Variants in ZNF496 observed in about 807,000 individuals in gnomAD.
ZNF496 encodes NSD1 (nuclear receptor binding SET-domain containing 1)-interacting zinc finger protein 1.
Under a neutral mutation model 58.9 loss-of-function variants are expected in ZNF496, and 11 were observed. The ratio of observed to expected loss-of-function variants is 0.19; its 90% CI spans 0.12 to 0.31. ZNF496 has a LOEUF of 0.31. Among genes scored for constraint, ZNF496 ranks in the 10% least tolerant of loss-of-function variants. The pLI is 1.00. For missense variants in ZNF496, 660 were observed against 783.0 expected (o/e 0.84, Z 1.88); for synonymous variants, 338 against 318.2 (o/e 1.06, Z -0.66).
rs1660233475 is a variant in ZNF496 at position 247,329,114 on chromosome 1, C to T, written c.390+75G>A. On this transcript the variant is annotated intron_variant, in intron 4 of 9. Transcript: ENST00000682384. The surrounding 1 kb of genome is among the most constrained non-coding windows in gnomAD (Gnocchi z 5.5). The stretch of plus-strand genomic sequence containing the variant: ...TCGATGGAACTCCTCATTCCCCAGC[C>T]AGCACATGCATGGCCCAGCCAAAGT... The T allele has an allele frequency of 3.8e-6, 6 of 1,599,502 alleles. No homozygotes were observed. The South Asian group carries it at 6.6e-5, about 18-fold the overall frequency.
chr1:247,301,414 G>GCCCTCTTC, intron 9 of ZNF496, 138 bp from the exon 10 acceptor site: 1 of 1,122,522 alleles, frequency 8.9e-7, no homozygotes, highest in South Asian at 2.0e-5. Context: ...GGGCGGCCTG[G>GCCCTCTTC]CCAGCCCTGC....
chr1:247,313,916 C>T (rs971488356), intron 6 of ZNF496: 1 of 152,198 alleles, frequency 6.6e-6, no homozygotes, highest in African/African-American at 2.4e-5. Flanking sequence ...CCACCAAGTG[C>T]AGGGCGTCTA....
At chr1:247,307,282 T>C (rs1659444462) in intron 9 of ZNF496, 1 of 985,334 alleles carries the variant, frequency 1.0e-6, no homozygotes, top group Non-Finnish European at 1.2e-6. Flanking sequence ...CTTTGAAATA[T>C]ATCGTCTCTC....
chr1:247,301,429 G>C (rs1659233741), intron 9 of ZNF496, among the ~76,000 whole-genome samples, 153 bp from the exon 10 acceptor site: 2 of 152,174 alleles, frequency 1.3e-5, no homozygotes, highest in South Asian at 2.1e-4. Flanking sequence ...CCCTGCAGGG[G>C]CCACTGGTGT....
At position 247,301,101 on chromosome 1, in the gene ZNF496, C is replaced by T. The variant is rs1043334800; in HGVS notation, c.1182G>A (p.Glu394=). The stretch of plus-strand genomic sequence containing the variant: ...TGGAGGTCTGCACCTCGCCTCCGGC[C>T]TCGGTGCTGCTCCGGTGGGAGGCGG... ...SLPASHRSST[E]AGGEVQTSKK... The change falls in exon 10 of 10, where the codon GAG becomes GAA. Residue 394 remains glutamate, a synonymous_variant. Transcript: ENST00000682384. The T allele has an allele frequency of 6.2e-7, 1 of 1,613,816 alleles. No homozygotes were observed. Among genetic ancestry groups the T allele is most frequent in the Non-Finnish European group, 8.5e-7 (1 of 1,180,042 alleles).
In ZNF496 at chr1:247,308,587, G is replaced by A. The variant is rs1358073620; in HGVS notation, c.894C>T (p.Asp298=). Residue 298 remains aspartate, a splice_region_variant and synonymous_variant, in exon 9 of 10, where the codon GAC becomes GAT. Transcript: ENST00000682384. This position sits in a 1 kb window ranked among gnomAD's most constrained non-coding sequence, Gnocchi z 4.5. The part of the protein sequence containing the change: ...GKEVPQVSYL[D]SPSLQPFQVE... ...CCTGGAATGGCTGGAGACTTGGAGA[G>A]TCTTTCCAGAGGAGGAAATGGAAAA... 1.2e-6 allele frequency: 2 copies of A among 1,613,896 alleles called. 1 individual carries two copies. Among genetic ancestry groups the A allele is most frequent in the South Asian group, 2.2e-5 (2 of 91,070 alleles).
At chr1:247,326,686 A>G (rs1244384759) in intron 5 of ZNF496, among the ~76,000 whole-genome samples, 2 of 152,192 alleles carry the variant, frequency 1.3e-5, no homozygotes, top group South Asian at 2.1e-4. Context: ...TTGAAGCCCT[A>G]ACCCTTAGGT....
At chr1:247,315,293 G>C (rs1659735700) in intron 6 of ZNF496, among the ~76,000 whole-genome samples, 1 of 152,084 alleles carries the variant, frequency 6.6e-6, no homozygotes, top group Non-Finnish European at 1.5e-5. Flanking sequence ...ACAGCCCAGT[G>C]TGGTTCTCCT....
chr1:247,303,960 T>C, intron 9 of ZNF496: 1 of 289,692 alleles, frequency 3.5e-6, no homozygotes, highest in Non-Finnish European at 7.0e-6. Flanking sequence ...GGAAGGTCTA[T>C]GGAGGACACC....
chr1:247,297,478 CAAAG>C lies in ZNF496; in HGVS notation c.*3037_*3040del, dbSNP rs1301919657. The stretch of plus-strand genomic sequence containing the variant: ...TGACGATGCCAAGGGATCAGAGGAA[CAAAG>C]AGAGAGGATGTTGCTCAGATGGGGG... On this transcript the variant is annotated 3_prime_UTR_variant, in exon 10 of 10. Transcript: ENST00000682384. The C allele has an allele frequency of 6.6e-6, 1 of 152,132 alleles. No homozygotes were observed. The highest frequency in any genetic ancestry group is 1.5e-5 in the Non-Finnish European group (1 of 68,036). The allele number at this position is 152,132 out of a possible 1,614,324, so 9.4% of individuals were successfully genotyped here.
chr1:247,306,531 C>CA (rs1405351635), intron 9 of ZNF496, among the ~76,000 whole-genome samples: 3 of 137,548 alleles, frequency 2.2e-5, no homozygotes, highest in Non-Finnish European at 3.1e-5. Context: ...TTTTTGGAGA[C>CA]AGACTCTCGC....
chr1:247,328,077 C>T (rs939027274), intron 5 of ZNF496, among the ~76,000 whole-genome samples: 1 of 152,178 alleles, frequency 6.6e-6, no homozygotes, highest in Non-Finnish European at 1.5e-5. Flanking sequence ...TAGAAACATG[C>T]CTCAGGTCAT....
intron 2 of ZNF496, among the ~76,000 whole-genome samples, chr1:247,331,040 G>A (rs1190637569): frequency 6.6e-6 from 1 of 152,140 alleles, no homozygotes; most frequent in East Asian, 1.9e-4. Flanking sequence ...GGTGGGCCCC[G>A]CCCGCCCTGC....
intron 5 of ZNF496, among the ~76,000 whole-genome samples, chr1:247,324,354 T>C (rs1348733429): frequency 6.6e-6 from 1 of 152,156 alleles, no homozygotes; most frequent in Admixed American, 6.5e-5. Context: ...GTGTACAAAA[T>C]TTCAGTGACA....
intron 9 of ZNF496, among the ~76,000 whole-genome samples, chr1:247,305,805 G>A (rs1659388265): frequency 6.6e-6 from 1 of 152,230 alleles, no homozygotes; most frequent in Non-Finnish European, 1.5e-5. Context: ...AGCCAGGCAT[G>A]ATGGCACACG....
intron 6 of ZNF496, among the ~76,000 whole-genome samples, chr1:247,321,917 T>C (rs897403850): frequency 6.6e-6 from 1 of 152,172 alleles, no homozygotes; most frequent in African/African-American, 2.4e-5. Flanking sequence ...CAAAAGCAAG[T>C]TATGGAGATG....
At chr1:247,313,896 A>C (rs961911205) in intron 6 of ZNF496, 12 of 152,156 alleles carry the variant, frequency 7.9e-5, no homozygotes, top group Admixed American at 3.9e-4. Flanking sequence ...GCATGATGGA[A>C]TCCGGATGGC....
intron 6 of ZNF496, among the ~76,000 whole-genome samples, chr1:247,319,753 T>C (rs1659901937): frequency 6.6e-6 from 1 of 151,954 alleles, no homozygotes; most frequent in Non-Finnish European, 1.5e-5. Flanking sequence ...TGAAACCCTG[T>C]CTCTACTAAA....
intron 6 of ZNF496, among the ~76,000 whole-genome samples, chr1:247,321,233 T>C (rs1659953302): frequency 1.3e-5 from 2 of 152,140 alleles, no homozygotes; most frequent in East Asian, 3.9e-4. Flanking sequence ...AGATGAACCT[T>C]GAGGACATTA....
Sources: gnomAD v4.1 joint callset for allele counts (sites outside exome capture counted in the v4.1 genomes callset) on GRCh38, gnomAD v4.1.1 for gene constraint, Gnocchi (gnomAD v3.1) non-coding constraint, MANE v1.5 for transcripts, NCBI Gene and HGNC (gene_info 2026-07-23, HGNC 2026-07-21) for gene names.